NKAIN3: variants seen among roughly 807,000 people sequenced by gnomAD.
NKAIN3 encodes sodium/potassium transporting ATPase interacting 3.
A neutral mutation model predicts 30.2 loss-of-function variants in NKAIN3; 25 were observed. That is an observed-to-expected ratio of 0.83 (90% CI 0.60 to 1.16). The LOEUF is 1.16. Ranked by LOEUF, NKAIN3 falls within the 50% of genes most tolerant of loss-of-function variation. The pLI is 0.00. For synonymous variants in NKAIN3, 91 were observed against 89.6 expected, an observed-to-expected ratio of 1.02 and a Z score of -0.09; for missense variants, 225 against 254.1, an observed-to-expected ratio of 0.89 and a Z score of 0.78.
intron 4 of NKAIN3, among the ~76,000 whole-genome samples, chr8:62,769,022 A>G (rs1816936209): frequency 6.6e-6 from 1 of 152,174 alleles, no homozygotes; most frequent in Non-Finnish European, 1.5e-5. Flanking sequence ...AATTGGGATT[A>G]TTTTTATTTC....
At position 62,981,116 on chromosome 8, in the gene NKAIN3, C is replaced by T. The variant is rs1824065030; in HGVS notation, c.*15709C>T. ...TAGTGTTGAGAAGATAACTCCTGGT[C>T]CCATTTTATTCTTTCCTCATTTGTT... On this transcript the variant is annotated 3_prime_UTR_variant, in exon 7 of 7. Transcript: ENST00000623646. 1 of 152,150 alleles carries T rather than the reference C, an allele frequency of 6.6e-6. No individual in the cohort carries two copies. The highest frequency in any genetic ancestry group is 6.5e-5 in the Admixed American group (1 of 15,274). 9.4% of individuals were successfully genotyped at this position (152,150 alleles called of 1,614,324 possible). A position where few individuals can be genotyped will look rare whatever the true frequency, so the allele number is the denominator to read the frequency against.
intron 3 of NKAIN3, among the ~76,000 whole-genome samples, chr8:62,632,663 T>C (rs566093180): frequency 1.4e-4 from 21 of 152,112 alleles, no homozygotes; most frequent in African/African-American, 5.1e-4. Flanking sequence ...CCACCATGCC[T>C]GGCTAATTTT....
chr8:62,454,758 C>G (rs1563406246), intron 1 of NKAIN3, among the ~76,000 whole-genome samples: 1 of 152,042 alleles, frequency 6.6e-6, no homozygotes, highest in Non-Finnish European at 1.5e-5. Context: ...TATATAAACA[C>G]AGATACACCA....
intron 1 of NKAIN3, among the ~76,000 whole-genome samples, chr8:62,253,326 A>G (rs1280584912): frequency 6.6e-6 from 1 of 152,196 alleles, no homozygotes; most frequent in Non-Finnish European, 1.5e-5. Flanking sequence ...CTGTAATCCT[A>G]GCACTTTGGG....
rs1563942748 is a variant in NKAIN3, at chr8:62,345,496, C to CACACATATATGT, written c.54+96370_54+96371insCACATATATGTA. 1.5e-4 allele frequency among the ~76,000 whole-genome samples: 18 copies of CACACATATATGT among 117,522 alleles called. 1 individual carries two copies. Among genetic ancestry groups the CACACATATATGT allele is most frequent in the African/African-American group, 6.8e-4 (17 of 24,880 alleles). The allele number at this position is 117,522 out of a possible 152,430, so 77.1% of individuals were successfully genotyped here. On this transcript the variant is annotated intron_variant, in intron 1 of 6. Transcript: ENST00000623646. ...ATACACATATATGTATATATACACA[C>CACACATATATGT]ATATATACACATATATACACATATA...
chr8:62,557,263 GCAT>G (rs1809428480), intron 1 of NKAIN3, among the ~76,000 whole-genome samples: 1 of 152,008 alleles, frequency 6.6e-6, no homozygotes, highest in African/African-American at 2.4e-5. Context: ...GAGTAGTATT[GCAT>G]CATGTATATA....
intron 4 of NKAIN3, among the ~76,000 whole-genome samples, chr8:62,802,629 A>C (rs1391854617): frequency 6.6e-6 from 1 of 152,238 alleles, no homozygotes; most frequent in African/African-American, 2.4e-5. Context: ...AAACATGGAA[A>C]GGAACAACCG....
Position 62,969,046 on chromosome 8 carries a change from T to C in NKAIN3, c.*3639T>C, listed in dbSNP as rs1207479103. 1.3e-5 allele frequency among the ~76,000 whole-genome samples: 2 copies of C among 152,212 alleles called. No homozygotes were observed. The highest frequency in any genetic ancestry group is 4.8e-5 in the African/African-American group (2 of 41,454). ...CCACCTACCACATAAAGTGAGGGTA[T>C]GTGTCCCTCAAATGAGAAAAATGAA... On this transcript the variant is annotated 3_prime_UTR_variant, in exon 7 of 7. Coordinates refer to ENST00000623646, the MANE Select transcript of NKAIN3 (RefSeq NM_001304533.3).
intron 1 of NKAIN3, among the ~76,000 whole-genome samples, chr8:62,321,309 A>T (rs1480709891): frequency 3.3e-5 from 5 of 151,918 alleles, no homozygotes; most frequent in Admixed American, 2.6e-4. Flanking sequence ...AAGTTTGATC[A>T]TCTGAAGCCT....
intron 3 of NKAIN3, among the ~76,000 whole-genome samples, chr8:62,704,345 T>C (rs149230179): frequency 9.3e-4 from 141 of 152,328 alleles, no homozygotes; most frequent in African/African-American, 3.1e-3. Context: ...CCTCCATAGT[T>C]ATAATATTTT....
intron 1 of NKAIN3, among the ~76,000 whole-genome samples, chr8:62,547,021 T>C (rs547400433): frequency 6.6e-6 from 1 of 152,336 alleles, no homozygotes; most frequent in Admixed American, 6.5e-5. Flanking sequence ...ACAATCCTTT[T>C]CATTACTGTT....
chr8:62,764,844 G>A (rs145344686), intron 4 of NKAIN3, among the ~76,000 whole-genome samples: 36 of 152,242 alleles, frequency 2.4e-4, no homozygotes, highest in African/African-American at 8.7e-4. Flanking sequence ...TTCTTTTCAA[G>A]CTATTCTCAT....
chr8:62,523,805 G>C (rs1413854049), intron 1 of NKAIN3, among the ~76,000 whole-genome samples: 1 of 152,030 alleles, frequency 6.6e-6, no homozygotes, highest in Admixed American at 6.6e-5. Flanking sequence ...CGCGGGTACA[G>C]GTACGTCAGC....
intron 1 of NKAIN3, among the ~76,000 whole-genome samples, chr8:62,347,667 A>G (rs73684962): frequency 0.039 from 5,955 of 152,136 alleles, 420 homozygotes; most frequent in African/African-American, 0.14. Context: ...ATAATGCCAG[A>G]CAAAGTGTAG....
At chr8:62,637,520 T>C (rs1200167088) in intron 3 of NKAIN3, among the ~76,000 whole-genome samples, 2 of 152,174 alleles carry the variant, frequency 1.3e-5, no homozygotes, top group Admixed American at 1.3e-4. Flanking sequence ...CCAGGGAATG[T>C]TCTCTTTATC....
At chr8:62,784,932 G>C (rs1241243992) in intron 4 of NKAIN3, among the ~76,000 whole-genome samples, 1 of 152,110 alleles carries the variant, frequency 6.6e-6, no homozygotes, top group Non-Finnish European at 1.5e-5. Flanking sequence ...CACTAATTGG[G>C]CTATGATTTA....
At chr8:62,540,561 A>G (rs1808805113) in intron 1 of NKAIN3, among the ~76,000 whole-genome samples, 1 of 152,168 alleles carries the variant, frequency 6.6e-6, no homozygotes, top group Non-Finnish European at 1.5e-5. Context: ...CAATATGTTC[A>G]AACACATTGG....
intron 4 of NKAIN3, among the ~76,000 whole-genome samples, chr8:62,777,998 A>C (rs1817239779): frequency 6.6e-6 from 1 of 152,016 alleles, no homozygotes; most frequent in African/African-American, 2.4e-5. Flanking sequence ...GACCCAGAAA[A>C]ATTCTCTAGA....
intron 1 of NKAIN3, among the ~76,000 whole-genome samples, chr8:62,559,649 C>A (rs1809508278): frequency 6.6e-6 from 1 of 151,828 alleles, no homozygotes; most frequent in Admixed American, 6.6e-5. Flanking sequence ...TATTGTTTTA[C>A]CATTTCAGGG....
Sources: gnomAD v4.1 joint callset for allele counts (sites outside exome capture counted in the v4.1 genomes callset) on GRCh38, gnomAD v4.1.1 for gene constraint, MANE v1.5 for transcripts, NCBI Gene and HGNC (gene_info 2026-07-23, HGNC 2026-07-21) for gene names.